The following ERC2 variants were observed in gnomAD, a reference collection of about 807,000 sequenced individuals.
The protein encoded by ERC2 is ELKS/RAB6-interacting/CAST family member 2, also known as ERC protein 2.
A neutral mutation model predicts 114.8 loss-of-function variants in ERC2; 42 were observed. The ratio of observed to expected loss-of-function variants is 0.37; its 90% CI spans 0.29 to 0.47. ERC2 has a LOEUF of 0.47. Ranked by LOEUF, ERC2 falls within the 20% of genes least tolerant of loss-of-function variation. The pLI, the probability that ERC2 is intolerant of heterozygous loss-of-function variation, is 0.99. For synonymous variants in ERC2, 454 were observed against 425.5 expected, an observed-to-expected ratio of 1.07 and a Z score of -0.82; for missense variants, 939 against 1,150.7, an observed-to-expected ratio of 0.82 and a Z score of 2.66.
At chr3:55,881,067 C>T (rs2063097355) in intron 14 of ERC2, among the ~76,000 whole-genome samples, 1 of 152,158 alleles carries the variant, frequency 6.6e-6, no homozygotes, top group South Asian at 2.1e-4. Flanking sequence ...TTTATCCTGT[C>T]CAAATTGCTA....
intron 2 of ERC2, among the ~76,000 whole-genome samples, chr3:56,398,942 G>T (rs2060418572): frequency 6.6e-6 from 1 of 152,138 alleles, no homozygotes; most frequent in Admixed American, 6.5e-5. Context: ...TTATTTGCTA[G>T]ATCTGCCAAC....
intron 14 of ERC2, among the ~76,000 whole-genome samples, chr3:55,803,707 G>A (rs2059389477): frequency 6.6e-6 from 1 of 152,114 alleles, no homozygotes; most frequent in Non-Finnish European, 1.5e-5. Flanking sequence ...GTGAACTGTA[G>A]TGGTGTGTCA....
chr3:55,589,041 T>A (rs906525367), intron 17 of ERC2, among the ~76,000 whole-genome samples: 1 of 151,950 alleles, frequency 6.6e-6, no homozygotes, highest in African/African-American at 2.4e-5. Flanking sequence ...ATTAGCTGTG[T>A]AACGTGGGCA....
At chr3:56,098,698 A>C (rs1441693708) in intron 6 of ERC2, among the ~76,000 whole-genome samples, 1 of 152,164 alleles carries the variant, frequency 6.6e-6, no homozygotes, top group African/African-American at 2.4e-5. Flanking sequence ...CATAGAGCCT[A>C]ATGTTAGGAA....
At chr3:55,659,934 A>G (rs1402631563) in intron 17 of ERC2, among the ~76,000 whole-genome samples, 1 of 151,886 alleles carries the variant, frequency 6.6e-6, no homozygotes, top group Admixed American at 6.6e-5. Flanking sequence ...CTAGGCATCT[A>G]GTGCCTCCTC....
chr3:56,164,580 A>C (rs950175547), intron 4 of ERC2, among the ~76,000 whole-genome samples: 5 of 152,078 alleles, frequency 3.3e-5, no homozygotes, highest in Non-Finnish European at 7.4e-5. Flanking sequence ...TTGTGCGGAC[A>C]TATGTTTGCA....
chr3:55,964,953 A>C (rs2068645157), intron 12 of ERC2, among the ~76,000 whole-genome samples: 1 of 152,222 alleles, frequency 6.6e-6, no homozygotes. Flanking sequence ...AGTTCATAAC[A>C]TGCCTGTTTG....
At chr3:56,384,872 G>A (rs182070886) in intron 2 of ERC2, among the ~76,000 whole-genome samples, 162 of 152,214 alleles carry the variant, frequency 1.1e-3, no homozygotes, top group African/African-American at 3.8e-3. Flanking sequence ...TATAAGGTAA[G>A]GGTCCAACCT....
At chr3:56,410,877 A>T (rs998014362) in intron 2 of ERC2, among the ~76,000 whole-genome samples, 2 of 151,934 alleles carry the variant, frequency 1.3e-5, no homozygotes, top group Non-Finnish European at 2.9e-5. Flanking sequence ...CCCAATTTCA[A>T]AGTATTTACA....
At chr3:56,068,055 A>C (rs1249114148) in intron 7 of ERC2, among the ~76,000 whole-genome samples, 1 of 152,216 alleles carries the variant, frequency 6.6e-6, no homozygotes, top group Non-Finnish European at 1.5e-5. Context: ...TGGCCTCATA[A>C]AATGAGTTAG....
intron 16 of ERC2, among the ~76,000 whole-genome samples, chr3:55,686,766 C>T (rs1249410658): frequency 6.6e-6 from 1 of 152,200 alleles, no homozygotes; most frequent in Non-Finnish European, 1.5e-5. Context: ...TCCAAATCTA[C>T]TTTGCAGTGG....
At position 56,173,369 on chromosome 3, in the gene ERC2, T is replaced by C; in HGVS notation, c.1149+77A>G. ...AGAGAAAAACACAAGGTTCATTTCATGTTTATATTAGGCACCACCAAGTTA... is the reference window on the plus strand; with the variant it reads ...AGAGAAAAACACAAGGTTCATTTCACGTTTATATTAGGCACCACCAAGTTA... On this transcript the variant is annotated intron_variant, in intron 4 of 17. Coordinates refer to ENST00000288221, the MANE Select transcript of ERC2 (RefSeq NM_015576.3). 4 of 1,356,142 alleles carry C rather than the reference T, an allele frequency of 2.9e-6. No individual in the cohort carries two copies. The Admixed American group carries it at 6.9e-5, about 23-fold the overall frequency. The allele number at this position is 1,356,142 out of a possible 1,614,324, so 84.0% of individuals were successfully genotyped here.
chr3:56,189,481 C>T (rs574744966), intron 3 of ERC2, among the ~76,000 whole-genome samples: 1 of 152,154 alleles, frequency 6.6e-6, no homozygotes, highest in Non-Finnish European at 1.5e-5. Context: ...CTACTCAGGC[C>T]GCTGAAAATC....
intron 1 of ERC2, among the ~76,000 whole-genome samples, chr3:56,463,458 G>T (rs1305849852): frequency 6.6e-6 from 1 of 152,148 alleles, no homozygotes; most frequent in African/African-American, 2.4e-5. Context: ...GCCACTCTAA[G>T]TCCAAGGGAG....
At chr3:55,584,931 C>T (rs553690012) in intron 17 of ERC2, among the ~76,000 whole-genome samples, 5 of 152,320 alleles carry the variant, frequency 3.3e-5, no homozygotes, top group South Asian at 2.1e-4. Context: ...CAATGGACAA[C>T]GAGAACCAGA....
chr3:56,249,438 GCC>G lies in ERC2; in HGVS notation c.1074+46579_1074+46580del, dbSNP rs1318554264. Among the ~76,000 whole-genome samples, 767 of 151,968 alleles carry G rather than the reference GCC, an allele frequency of 5.0e-3. 6 individuals carry two copies. Among genetic ancestry groups the G allele is most frequent in the African/African-American group, 0.018 (740 of 41,414 alleles). On this transcript the variant is annotated intron_variant, in intron 3 of 17. Transcript: ENST00000288221. ...CCTCCCGGGTTCACGCCATTCTCCT[GCC>G]TCAGCCTCCCGAGTAGCTGTGACTA...
intron 17 of ERC2, among the ~76,000 whole-genome samples, chr3:55,565,474 A>C (rs1458627272): frequency 6.6e-6 from 1 of 152,068 alleles, no homozygotes; most frequent in East Asian, 1.9e-4. Context: ...TTTGCCGTGC[A>C]CTTGTCTAGA....
intron 3 of ERC2, among the ~76,000 whole-genome samples, chr3:56,247,764 C>T (rs1220359204): frequency 6.6e-6 from 1 of 152,204 alleles, no homozygotes; most frequent in African/African-American, 2.4e-5. Context: ...GTACAGACTG[C>T]AAGCTCCTGG....
intron 17 of ERC2, among the ~76,000 whole-genome samples, chr3:55,570,902 C>T (rs189217840): frequency 7.6e-4 from 115 of 151,924 alleles, no homozygotes; most frequent in African/African-American, 1.9e-3. Context: ...CTGAGGCGGG[C>T]GGATCACGAG....
Sources: allele counts gnomAD v4.1 joint callset (sites outside exome capture counted in the v4.1 genomes callset), GRCh38; gene constraint gnomAD v4.1.1; transcripts MANE v1.5; gene names NCBI Gene and HGNC (gene_info 2026-07-23, HGNC 2026-07-21).